The following NADSYN1 variants were observed in gnomAD, a reference collection of about 807,000 sequenced individuals.
The protein encoded by NADSYN1 is NAD synthetase 1, also known as glutamine-dependent NAD(+) synthetase.
In NADSYN1, 80 loss-of-function variants were observed where a neutral mutation model predicts 99.3. The observed-to-expected ratio is 0.81, with a 90% CI of 0.67 to 0.97. The LOEUF (loss-of-function observed/expected upper bound fraction) is 0.97, where lower values mean the gene tolerates loss of function less well. Ranked by LOEUF, NADSYN1 falls within the 50% of genes least tolerant of loss-of-function variation. NADSYN1 has a pLI of 0.00. For missense variants in NADSYN1, 859 were observed against 948.5 expected (o/e 0.91, Z 1.24); for synonymous variants, 385 against 372.1 (o/e 1.03, Z -0.40).
rs752197682 is a variant in NADSYN1, at chr11:71,481,399, C to T, written c.1042C>T (p.Gln348Ter). 1.9e-6 allele frequency: 3 copies of T among 1,613,890 alleles called. No homozygotes were observed. Among genetic ancestry groups the T allele is most frequent in the Non-Finnish European group, 2.5e-6 (3 of 1,179,926 alleles). ...GCTCTGGGATTTTTTAAGACGAAGT[C>T]AACAGGTAAGACTTCCAGTTTCTAG... ...CWLWDFLRRS[Q>*]QAGFLLPLSG... is the part of the protein sequence containing the mutation. The change falls in exon 12 of 21, where the codon CAA becomes TAA. Residue 348 changes from glutamine to a stop codon, truncating the protein, a stop_gained. Coordinates refer to ENST00000319023, the MANE Select transcript of NADSYN1 (RefSeq NM_018161.5). LOFTEE classifies it high-confidence loss of function.
At chr11:71,491,086 G>GAATGGTCCTGCC (rs1444583583) in intron 17 of NADSYN1, 110 bp downstream of exon 17, 1 of 1,445,556 alleles carries the variant, frequency 6.9e-7, no homozygotes, top group Non-Finnish European at 9.4e-7. Flanking sequence ...GTTGCCTGCT[G>GAATGGTCCTGCC]AATGGTCCTG....
At chr11:71,488,274 G>A (rs1165371392) in intron 16 of NADSYN1, among the ~76,000 whole-genome samples, 3 of 152,028 alleles carry the variant, frequency 2.0e-5, no homozygotes, top group African/African-American at 7.3e-5. Flanking sequence ...GATAACATGT[G>A]TATTGTAGGA....
chr11:71,466,998 A>G (rs1949596521), intron 5 of NADSYN1, among the ~76,000 whole-genome samples: 1 of 152,278 alleles, frequency 6.6e-6, no homozygotes, highest in Non-Finnish European at 1.5e-5. Context: ...GAGATCCAAT[A>G]GGAGACACCT....
At chr11:71,468,251 C>A (rs865990936) in intron 5 of NADSYN1, among the ~76,000 whole-genome samples, 3 of 152,110 alleles carry the variant, frequency 2.0e-5, no homozygotes, top group Admixed American at 2.0e-4. Context: ...GCAGAAGCCT[C>A]GAAATTTCAA....
chr11:71,463,426 C>T lies in NADSYN1; in HGVS notation c.264-6C>T, dbSNP rs773688820. The T allele has an allele frequency of 8.7e-6, 14 of 1,613,844 alleles. No individual in the cohort carries two copies. The South Asian group carries it at 1.5e-4, about 18-fold the overall frequency. On this transcript the variant is annotated splice_polypyrimidine_tract_variant and splice_region_variant and intron_variant, in intron 3 of 20. Coordinates refer to ENST00000319023, the MANE Select transcript of NADSYN1 (RefSeq NM_018161.5). ...GACACACATGTACCTCCCCTCTCTC[C>T]TGCAGGCCTGTAATGCACCGAAACG...
chr11:71,477,523 G>A, intron 9 of NADSYN1: 1 of 1,061,114 alleles, frequency 9.4e-7, no homozygotes, highest in Non-Finnish European at 1.3e-6. Context: ...TGGTGCAGGT[G>A]CTGTTCCCGC....
chr11:71,458,567 A>C (rs375070447), intron 3 of NADSYN1, 23 bp downstream of exon 3: 15 of 1,553,382 alleles, frequency 9.7e-6, no homozygotes, highest in Non-Finnish European at 1.3e-5. Flanking sequence ...GTGAGTGTGG[A>C]AGGGCAAACC....
At chr11:71,474,302 C>G in intron 8 of NADSYN1, 93 bp from the exon 9 acceptor site, 1 of 1,525,972 alleles carries the variant, frequency 6.6e-7, no homozygotes, top group Admixed American at 1.7e-5. Flanking sequence ...GATGACCTAG[C>G]GGGACTCGGC....
rs1383895796 is a variant in NADSYN1, at chr11:71,480,804, C to T, written c.923C>T (p.Ser308Leu). The change falls in exon 11 of 21, where the codon TCG becomes TTG. Residue 308 changes from serine (S) to leucine (L), a missense_variant. Physicochemically the swap from Ser to Leu is moderately radical, Grantham distance 145 (BLOSUM62 -2). Coordinates refer to ENST00000319023, the MANE Select transcript of NADSYN1 (RefSeq NM_018161.5). ...YPRVKVDFAL[S>L]CHEDLLAPIS... ...AGAGTGAAGGTGGACTTTGCCCTCTCGTGCCACGAGGACTTGCTGGCACCC... is the reference window on the plus strand; with the variant it reads ...AGAGTGAAGGTGGACTTTGCCCTCTTGTGCCACGAGGACTTGCTGGCACCC... The T allele has an allele frequency of 1.1e-5, 17 of 1,614,068 alleles. 1 individual carries two copies. Among genetic ancestry groups the T allele is most frequent in the South Asian group, 8.8e-5 (8 of 91,092 alleles).
intron 18 of NADSYN1, among the ~76,000 whole-genome samples, chr11:71,496,070 A>G (rs566633729): frequency 6.6e-6 from 1 of 152,170 alleles, no homozygotes; most frequent in East Asian, 1.9e-4. Flanking sequence ...AGTCCCCCAC[A>G]CTTCAGGGCA....
intron 5 of NADSYN1, among the ~76,000 whole-genome samples, chr11:71,465,252 C>T (rs1415530707): frequency 6.6e-6 from 1 of 152,062 alleles, no homozygotes; most frequent in East Asian, 1.9e-4. Context: ...ATTGTGCCCT[C>T]AGAACAACTG....
chr11:71,483,068 A>G, intron 14 of NADSYN1, 51 bp downstream of exon 14: 2 of 1,603,976 alleles, frequency 1.2e-6, no homozygotes, highest in Non-Finnish European at 1.7e-6. Context: ...CAGAGCTCAG[A>G]GTCACTGGAA....
Position 71,491,854 on chromosome 11 carries a change from C to T in NADSYN1, c.1715C>T (p.Thr572Ile). Residue 572 changes from threonine to isoleucine, a missense_variant, in exon 18 of 21, where the codon ACC becomes ATC. By Grantham distance (89) the Thr-to-Ile change is moderately conservative. Transcript: ENST00000319023. ...TGCAGCATCCTGTTGGCGCCGGCCA[C>T]CGCAGAGCTGGAGCCCTTGGCTGAT... is the stretch of plus-strand genomic sequence containing the variant. ...ALQSILLAPA[T>I]AELEPLADGQ... is the part of the protein sequence containing the mutation. The T allele has an allele frequency of 6.2e-7, 1 of 1,614,108 alleles. No individual in the cohort carries two copies.
At chr11:71,486,907 G>A (rs1949746980) in intron 16 of NADSYN1, among the ~76,000 whole-genome samples, 1 of 135,506 alleles carries the variant, frequency 7.4e-6, no homozygotes, top group South Asian at 2.5e-4. Flanking sequence ...CCGGGTTCAC[G>A]CCATTCTCCT....
Position 71,473,689 on chromosome 11 carries a change from A to G in NADSYN1, c.666+3A>G. ...TCGTGACTATGGTCACCAGCAAGGTAGGGGCTGGGCCAGGGAGCGTGCGCC... is the reference window on the plus strand; with the variant it reads ...TCGTGACTATGGTCACCAGCAAGGTGGGGGCTGGGCCAGGGAGCGTGCGCC... On this transcript the variant is annotated splice_donor_region_variant and intron_variant, in intron 8 of 20. Transcript: ENST00000319023. 6.2e-7 allele frequency: 1 copy of G among 1,606,270 alleles called. No homozygotes were observed. The highest frequency in any genetic ancestry group is 8.5e-7 in the Non-Finnish European group (1 of 1,173,884).
rs559661578 is a variant in NADSYN1 at position 71,495,147 on chromosome 11, A to G, written c.1765-2336A>G. 2.6e-5 allele frequency among the ~76,000 whole-genome samples: 4 copies of G among 151,772 alleles called. No individual in the cohort carries two copies. The South Asian group carries it at 8.3e-4, about 32-fold the overall frequency. On this transcript the variant is annotated intron_variant, in intron 18 of 20. Transcript: ENST00000319023. ...TGATTTGAGATCTTTTTTCTTTTTT[A>G]AGGTAGGTGTTTATAGCTACAAATT...
chr11:71,463,784 T>G (rs1286699148), intron 4 of NADSYN1, among the ~76,000 whole-genome samples: 1 of 152,082 alleles, frequency 6.6e-6, no homozygotes, highest in Non-Finnish European at 1.5e-5. Context: ...GTGAGCAAGT[T>G]CCCTTGGAGC....
intron 3 of NADSYN1, 102 bp from the exon 4 acceptor site, chr11:71,463,327 CGTA>C (rs1388056423): frequency 9.8e-7 from 1 of 1,021,852 alleles, no homozygotes; most frequent in Non-Finnish European, 1.5e-6. Flanking sequence ...GAGGAAGCTT[CGTA>C]GTAAAGTAAA....
intron 10 of NADSYN1, 84 bp from the exon 11 acceptor site, chr11:71,480,671 G>A (rs1010081517): frequency 6.3e-7 from 1 of 1,594,522 alleles, no homozygotes; most frequent in African/African-American, 1.3e-5. Context: ...GTGGCTGATG[G>A]AGTCCTGCTT....
Sources: gnomAD v4.1 joint callset for allele counts (sites outside exome capture counted in the v4.1 genomes callset) on GRCh38, gnomAD v4.1.1 for gene constraint, MANE v1.5 for transcripts, NCBI Gene and HGNC (gene_info 2026-07-23, HGNC 2026-07-21) for gene names.